The following PTPN23 variants were observed in gnomAD, a reference collection of about 807,000 sequenced individuals.
PTPN23 encodes protein tyrosine phosphatase non-receptor type 23, also known as tyrosine-protein phosphatase non-receptor type 23.
PTPN23 carries 72 observed loss-of-function variants against 156.3 expected under a neutral mutation model. The ratio of observed to expected loss-of-function variants is 0.46; its 90% confidence interval spans 0.38 to 0.56. The LOEUF (loss-of-function observed/expected upper bound fraction) is 0.56, where lower values mean the gene tolerates loss of function less well. Ranked by LOEUF, PTPN23 falls within the 20% of genes least tolerant of loss-of-function variation. The pLI is 0.00. For missense variants in PTPN23, 1,974 were observed against 2,171.5 expected (o/e 0.91, Z 1.81); for synonymous variants, 957 against 899.6 (o/e 1.06, Z -1.14).
At position 47,405,091 on chromosome 3, in the gene PTPN23, C is replaced by T; in HGVS notation, c.364+10C>T. The T allele has an allele frequency of 6.2e-7, 1 of 1,613,724 alleles. No individual in the cohort carries two copies. Among genetic ancestry groups the T allele is most frequent in the Non-Finnish European group, 8.5e-7 (1 of 1,179,648 alleles). ...ATTCTCTACAACCTTGGTGAGCTGC[C>T]TGATCCCTTCCCCCGGCCCTACTCC... is the stretch of plus-strand genomic sequence containing the variant. On this transcript the variant is annotated intron_variant, in intron 4 of 24. Coordinates refer to ENST00000265562, the MANE Select transcript of PTPN23 (RefSeq NM_015466.4). This position sits in a 1 kb window ranked among gnomAD's most constrained non-coding sequence, Gnocchi z 4.7.
rs1705099934 is a variant in PTPN23, at chr3:47,405,458, G to A, written c.365-291G>A. 3.7e-6 allele frequency: 2 copies of A among 544,912 alleles called. No individual in the cohort carries two copies. Among genetic ancestry groups the A allele is most frequent in the Admixed American group, 6.6e-5 (2 of 30,410 alleles). The allele number at this position is 544,912 out of a possible 1,614,324, so 33.8% of individuals were successfully genotyped here. ...CTAGTCAGCCTTAGCCTGGCTCAAGGGAGAAGCTTGGGGAGCCCCAGAGTT... is the reference window on the plus strand; with the variant it reads ...CTAGTCAGCCTTAGCCTGGCTCAAGAGAGAAGCTTGGGGAGCCCCAGAGTT... On this transcript the variant is annotated intron_variant, in intron 4 of 24. Transcript: ENST00000265562. This position sits in a 1 kb window ranked among gnomAD's most constrained non-coding sequence, Gnocchi z 4.7.
intron 2 of PTPN23, among the ~76,000 whole-genome samples, chr3:47,402,751 C>G (rs548029961): frequency 6.6e-6 from 1 of 151,972 alleles, no homozygotes; most frequent in East Asian, 1.9e-4. Flanking sequence ...TGTTGCCCAG[C>G]CTGGAGTGCA....
In PTPN23 at chr3:47,410,043, C is replaced by T. The variant is rs776135224; in HGVS notation, c.2245C>T (p.Pro749Ser). 1.9e-6 allele frequency: 3 copies of T among 1,611,386 alleles called. No individual in the cohort carries two copies. Among genetic ancestry groups the T allele is most frequent in the African/African-American group, 2.7e-5 (2 of 74,876 alleles). Reference protein sequence around the residue: ...GDPPEELRSLPPDMVAGPRLP... With the variant: ...GDPPEELRSLSPDMVAGPRLP... ...CCCCCCTGAGGAGCTGCGCAGCCTC[C>T]CCCCTGACATGGTGGCTGGCCCACG... The change falls in exon 20 of 25, where the codon CCC becomes TCC. Residue 749 changes from proline to serine, a missense_variant. This residue lies in a region of PTPN23 where 731 missense variants were observed against 669.1 expected (regional missense o/e 1.09). Coordinates refer to ENST00000265562, the MANE Select transcript of PTPN23 (RefSeq NM_015466.4).
rs1705196823 is a variant in PTPN23 at position 47,408,960 on chromosome 3, T to C, written c.1515T>C (p.His505=). 1.2e-6 allele frequency: 2 copies of C among 1,614,214 alleles called. No homozygotes were observed. Among genetic ancestry groups the C allele is most frequent in the Non-Finnish European group, 1.7e-6 (2 of 1,180,032 alleles). Residue 505 remains histidine (H), a synonymous_variant, in exon 16 of 25, where the codon CAT becomes CAC. Coordinates refer to ENST00000265562, the MANE Select transcript of PTPN23 (RefSeq NM_015466.4). ...RREWAKYMEV[H]EKASFTNSEL... ...AATGGGCCAAGTACATGGAAGTCCA[T>C]GAGAAGGCCTCCTTCACCAACAGTG...
intron 2 of PTPN23, among the ~76,000 whole-genome samples, chr3:47,399,103 A>G (rs887250967): frequency 1.3e-5 from 2 of 152,144 alleles, no homozygotes; most frequent in South Asian, 2.1e-4. Flanking sequence ...GGGAGGTGCA[A>G]TAGTGGAGGA....
Position 47,405,187 on chromosome 3 carries a change from C to A in PTPN23, c.364+106C>A. ...GCAGTGGGCTGATAAAGGGAGGACTCCAGGATTCCCGCCCCTCCACTGACC... is the reference window on the plus strand; with the variant it reads ...GCAGTGGGCTGATAAAGGGAGGACTACAGGATTCCCGCCCCTCCACTGACC... On this transcript the variant is annotated intron_variant, in intron 4 of 24. Transcript: ENST00000265562. The surrounding 1 kb of genome is among the most constrained non-coding windows in gnomAD (Gnocchi z 4.7). The A allele has an allele frequency of 9.6e-7, 1 of 1,036,388 alleles. No homozygotes were observed. Among genetic ancestry groups the A allele is most frequent in the Non-Finnish European group, 1.5e-6 (1 of 675,582 alleles). The allele number at this position is 1,036,388 out of a possible 1,614,324, so 64.2% of individuals were successfully genotyped here.
In PTPN23 at chr3:47,406,812, C is replaced by G; in HGVS notation, c.807+62C>G. ...CAGCCTTCAGTGAGATGCCGGTGTG[C>G]TCCCGCTCCTTACACACCAGGGGGT... On this transcript the variant is annotated intron_variant, in intron 9 of 24. Transcript: ENST00000265562. The surrounding 1 kb of genome is among the most constrained non-coding windows in gnomAD (Gnocchi z 5.8). The G allele has an allele frequency of 6.3e-7, 1 of 1,592,344 alleles. No homozygotes were observed. Among genetic ancestry groups the G allele is most frequent in the Non-Finnish European group, 8.6e-7 (1 of 1,166,262 alleles).
In PTPN23 at chr3:47,405,784, C is replaced by A. The variant is rs751167452; in HGVS notation, c.400C>A (p.Arg134=). ...CTCCATGCTGGGGGCCATGGACAAG[C>A]GGGTGTCTGAGGAGGTGAGGAGAGG... ...LHSMLGAMDK[R]VSEEGMKVSC... Residue 134 remains arginine (R), a synonymous_variant, in exon 5 of 25, where the codon CGG becomes AGG. Transcript: ENST00000265562. The surrounding 1 kb of genome is among the most constrained non-coding windows in gnomAD (Gnocchi z 4.7). 2.5e-5 allele frequency: 40 copies of A among 1,593,036 alleles called. No homozygotes were observed. The highest frequency in any genetic ancestry group is 3.3e-5 in the Non-Finnish European group (39 of 1,170,304).
At chr3:47,389,770 G>A (rs538717272) in intron 1 of PTPN23, among the ~76,000 whole-genome samples, 59 of 151,840 alleles carry the variant, frequency 3.9e-4, no homozygotes, top group African/African-American at 1.4e-3. Flanking sequence ...AACCCGGGGG[G>A]GTGGAGCTTG....
At chr3:47,388,286 G>A (rs1294783925) in intron 1 of PTPN23, among the ~76,000 whole-genome samples, 1 of 152,120 alleles carries the variant, frequency 6.6e-6, no homozygotes, top group African/African-American at 2.4e-5. Flanking sequence ...TTGGCACACT[G>A]CAGCCTCTGC....
intron 1 of PTPN23, among the ~76,000 whole-genome samples, chr3:47,394,446 A>G (rs1291018159): frequency 2.0e-5 from 3 of 152,202 alleles, no homozygotes; most frequent in African/African-American, 7.2e-5. Flanking sequence ...ATTCCCAAGT[A>G]CTATTGGCTG....
chr3:47,407,665 G>A lies in PTPN23; in HGVS notation c.1004-32G>A, dbSNP rs370900766. On this transcript the variant is annotated intron_variant, in intron 12 of 24. Coordinates refer to ENST00000265562, the MANE Select transcript of PTPN23 (RefSeq NM_015466.4). This position sits in a 1 kb window ranked among gnomAD's most constrained non-coding sequence, Gnocchi z 4.0. ...GGAGGCTGCCTCAAGGACTCTGCGT[G>A]GGCCTGATCTCCACAATTCCCACCC... is the stretch of plus-strand genomic sequence containing the variant. 62 of 1,608,920 alleles carry A rather than the reference G, an allele frequency of 3.9e-5. No individual in the cohort carries two copies. Among genetic ancestry groups the A allele is most frequent in the African/African-American group, 6.7e-5 (5 of 74,798 alleles).
intron 2 of PTPN23, among the ~76,000 whole-genome samples, chr3:47,399,401 A>G (rs1576218742): frequency 6.6e-6 from 1 of 152,290 alleles, no homozygotes; most frequent in East Asian, 1.9e-4. Context: ...GGGGAGACCA[A>G]GCTTCTTCTT....
At position 47,412,293 on chromosome 3, in the gene PTPN23, G is replaced by A. The variant is rs1290991555; in HGVS notation, c.4189G>A (p.Gly1397Ser). 5 of 1,613,288 alleles carry A rather than the reference G, an allele frequency of 3.1e-6. No individual in the cohort carries two copies. The Admixed American group carries it at 8.3e-5, about 27-fold the overall frequency. The change falls in exon 23 of 25, where the codon GGC (glycine) becomes AGC (serine). Residue 1397 changes from glycine (G) to serine (S), a missense_variant. Gly to Ser is a moderately conservative substitution (Grantham distance 56). Coordinates refer to ENST00000265562, the MANE Select transcript of PTPN23 (RefSeq NM_015466.4). ...PIIVHCSSGVGRTGAFALLYA... is the reference protein window; with the variant it reads ...PIIVHCSSGVSRTGAFALLYA... ...CCCTTCTTGGCACAGCTCTGGTGTG[G>A]GCCGCACGGGAGCCTTTGCACTGCT...
intron 1 of PTPN23, among the ~76,000 whole-genome samples, chr3:47,382,964 G>A (rs1269197639): frequency 6.6e-6 from 1 of 152,062 alleles, no homozygotes; most frequent in Non-Finnish European, 1.5e-5. Flanking sequence ...TGGGATTATA[G>A]GCATGAGCCA....
intron 1 of PTPN23, among the ~76,000 whole-genome samples, chr3:47,390,878 G>A (rs560415085): frequency 6.6e-6 from 1 of 152,328 alleles, no homozygotes; most frequent in South Asian, 2.1e-4. Flanking sequence ...CTGGGAGGCT[G>A]ATGTGGGTCA....
chr3:47,399,634 A>C (rs768040805), intron 2 of PTPN23, among the ~76,000 whole-genome samples: 2 of 152,154 alleles, frequency 1.3e-5, no homozygotes, highest in Admixed American at 1.3e-4. Context: ...AAGGCAGGCA[A>C]CCTGCACAGA....
Position 47,406,543 on chromosome 3 carries a change from G to T in PTPN23, c.690G>T (p.Leu230=). The change falls in exon 8 of 25, where the codon CTG becomes CTT. Residue 230 remains leucine (L), a synonymous_variant. Coordinates refer to ENST00000265562, the MANE Select transcript of PTPN23 (RefSeq NM_015466.4). The surrounding 1 kb of genome is among the most constrained non-coding windows in gnomAD (Gnocchi z 5.8). ...ALENPDTASL[L]GRIQKDWKKL... ...AGAACCCCGACACTGCCTCACTGCT[G>T]GGCCGGATCCAGAAGGACTGGAAGA... 6.2e-7 allele frequency: 1 copy of T among 1,614,022 alleles called. No homozygotes were observed. The highest frequency in any genetic ancestry group is 8.5e-7 in the Non-Finnish European group (1 of 1,180,010).
In PTPN23 at chr3:47,407,692, C is replaced by A. The variant is rs750116086; in HGVS notation, c.1004-5C>A. ...GCCTGATCTCCACAATTCCCACCCC[C>A]CCAGGAGCCCCCTTGGTGAAGCCCT... On this transcript the variant is annotated splice_region_variant and splice_polypyrimidine_tract_variant and intron_variant, in intron 12 of 24. Coordinates refer to ENST00000265562, the MANE Select transcript of PTPN23 (RefSeq NM_015466.4). This position sits in a 1 kb window ranked among gnomAD's most constrained non-coding sequence, Gnocchi z 4.0. The A allele has an allele frequency of 6.8e-6, 11 of 1,612,812 alleles. No homozygotes were observed. The highest frequency in any genetic ancestry group is 4.5e-5 in the East Asian group (2 of 44,870).
Sources: gnomAD v4.1 joint callset for allele counts (sites outside exome capture counted in the v4.1 genomes callset) on GRCh38, gnomAD v4.1.1 for gene constraint, gnomAD v4.1.1 regional missense constraint, Gnocchi (gnomAD v3.1) non-coding constraint, MANE v1.5 for transcripts, NCBI Gene and HGNC (gene_info 2026-07-23, HGNC 2026-07-21) for gene names.